C12orf42: variants seen among roughly 807,000 people sequenced by gnomAD.
The protein encoded by C12orf42 is chromosome 12 open reading frame 42.
Under a neutral mutation model 21.6 loss-of-function variants are expected in C12orf42, and 25 were observed. The observed-to-expected ratio is 1.16, with a 90% CI of 0.84 to 1.62. The LOEUF (loss-of-function observed/expected upper bound fraction) is 1.62, where lower values mean the gene tolerates loss of function less well. Ranked by LOEUF, C12orf42 falls within the 40% of genes most tolerant of loss-of-function variation. The probability of loss-of-function intolerance (pLI) is 0.00; values close to 1 mark genes in which losing one functional copy is unlikely to be tolerated. For missense variants in C12orf42, 483 were observed against 459.3 expected, an observed-to-expected ratio of 1.05 and a Z score of -0.47; for synonymous variants, 174 against 175.0, an observed-to-expected ratio of 0.99 and a Z score of 0.05.
intron 4 of C12orf42, among the ~76,000 whole-genome samples, chr12:103,358,859 GT>G (rs1254706596): frequency 6.6e-6 from 1 of 151,986 alleles, no homozygotes; most frequent in Non-Finnish European, 1.5e-5. Context: ...CAACAACAGT[GT>G]GATCATTTTT....
intron 4 of C12orf42, among the ~76,000 whole-genome samples, chr12:103,367,607 T>A (rs2044727102): frequency 6.6e-6 from 1 of 151,942 alleles, no homozygotes; most frequent in Non-Finnish European, 1.5e-5. Context: ...TAAACACACT[T>A]TTTTGCTTAG....
the C12orf42 span, among the ~76,000 whole-genome samples, chr12:103,079,820 T>C: frequency 2.0e-5 from 3 of 152,320 alleles, no homozygotes; most frequent in African/African-American, 7.2e-5. Context: ...TGGTTCTTAG[T>C]ATTTCTGTCC....
At chr12:103,189,028 A>C in the C12orf42 span, among the ~76,000 whole-genome samples, 1 of 150,156 alleles carries the variant, frequency 6.7e-6, no homozygotes, top group Non-Finnish European at 1.5e-5. Flanking sequence ...GGATTTTCCT[A>C]TTTGTTTAAT....
chr12:103,252,085 G>A (rs1342031548), intron 10 of C12orf42, among the ~76,000 whole-genome samples: 2 of 152,072 alleles, frequency 1.3e-5, no homozygotes, highest in African/African-American at 4.8e-5. Context: ...AGCCCTGCAT[G>A]CATAAGGTAT....
the C12orf42 span, among the ~76,000 whole-genome samples, chr12:103,548,188 A>C: frequency 6.6e-6 from 1 of 152,210 alleles, no homozygotes; most frequent in Admixed American, 6.5e-5. Context: ...GAGGTGCCGC[A>C]GCCCTTTGCT....
At chr12:103,241,138 A>G (rs2033716877) in intron 10 of C12orf42, among the ~76,000 whole-genome samples, 1 of 151,962 alleles carries the variant, frequency 6.6e-6, no homozygotes, top group Non-Finnish European at 1.5e-5. Context: ...AAAACACACA[A>G]TGGCATTGTT....
At chr12:103,541,183 T>A in the C12orf42 span, among the ~76,000 whole-genome samples, 1 of 152,212 alleles carries the variant, frequency 6.6e-6, no homozygotes, top group Non-Finnish European at 1.5e-5. Context: ...GGATTACAGA[T>A]GTGAGCCACT....
At chr12:103,255,378 A>T (rs1345019955) in intron 10 of C12orf42, among the ~76,000 whole-genome samples, 1 of 152,166 alleles carries the variant, frequency 6.6e-6, no homozygotes, top group Non-Finnish European at 1.5e-5. Context: ...CTCAACAAAC[A>T]AAAACAAAAA....
chr12:103,235,672 G>A (rs77536619), downstream of C12orf42, among the ~76,000 whole-genome samples: 35 of 152,200 alleles, frequency 2.3e-4, no homozygotes, highest in East Asian at 1.2e-3. Context: ...ATAACACTTC[G>A]TGTCTGATAG....
chr12:103,089,101 CAAA>C, the C12orf42 span, among the ~76,000 whole-genome samples: 32 of 54,846 alleles, frequency 5.8e-4, no homozygotes, highest in African/African-American at 2.3e-3. Context: ...GACTCCATCT[CAAA>C]AAAAAAAAAA....
At chr12:103,328,559 C>A (rs899047234) in intron 4 of C12orf42, among the ~76,000 whole-genome samples, 1 of 152,216 alleles carries the variant, frequency 6.6e-6, no homozygotes, top group East Asian at 1.9e-4. Flanking sequence ...TCCTCTTTCA[C>A]AATAGGAAGA....
At chr12:103,175,352 A>T in the C12orf42 span, among the ~76,000 whole-genome samples, 1 of 152,230 alleles carries the variant, frequency 6.6e-6, no homozygotes, top group Admixed American at 6.5e-5. Context: ...AACAAAATCC[A>T]TTCACGGACA....
chr12:103,088,001 G>T, the C12orf42 span, among the ~76,000 whole-genome samples: 1 of 152,234 alleles, frequency 6.6e-6, no homozygotes, highest in Admixed American at 6.5e-5. Flanking sequence ...CTTTGCCAGA[G>T]CATTCTGGCC....
the C12orf42 span, among the ~76,000 whole-genome samples, chr12:103,215,069 C>T: frequency 2.6e-5 from 4 of 152,178 alleles, no homozygotes; most frequent in East Asian, 7.7e-4. Flanking sequence ...ATTCTTAATA[C>T]ATATTTATTG....
At chr12:103,180,898 C>T in the C12orf42 span, among the ~76,000 whole-genome samples, 1 of 151,750 alleles carries the variant, frequency 6.6e-6, no homozygotes, top group African/African-American at 2.4e-5. Flanking sequence ...AAAGTGCTGG[C>T]ATTACAGGCA....
chr12:103,433,605 AG>A (rs1950429012), intron 2 of C12orf42, among the ~76,000 whole-genome samples: 1 of 152,228 alleles, frequency 6.6e-6, no homozygotes, highest in Non-Finnish European at 1.5e-5. Context: ...AGCAAAATCC[AG>A]GAAGTGGGAG....
intron 5 of C12orf42, among the ~76,000 whole-genome samples, chr12:103,275,226 A>G (rs1328248428): frequency 6.6e-6 from 1 of 152,158 alleles, no homozygotes; most frequent in African/African-American, 2.4e-5. Context: ...TGCTGAAAAA[A>G]TCTTACAAAA....
the C12orf42 span, among the ~76,000 whole-genome samples, chr12:103,551,602 A>C: frequency 3.3e-5 from 5 of 152,176 alleles, no homozygotes; most frequent in Non-Finnish European, 7.3e-5. Context: ...GGATCACTTG[A>C]GGTCAGGAGT....
At chr12:103,257,044 T>C (rs1332775096) in intron 10 of C12orf42, among the ~76,000 whole-genome samples, 1 of 152,100 alleles carries the variant, frequency 6.6e-6, no homozygotes, top group Non-Finnish European at 1.5e-5. Context: ...TAAAAAAGAA[T>C]TAGATCATGT....
Sources: allele counts gnomAD v4.1 joint callset (sites outside exome capture counted in the v4.1 genomes callset), GRCh38; gene constraint gnomAD v4.1.1; transcripts MANE v1.5; gene names NCBI Gene and HGNC (gene_info 2026-07-23, HGNC 2026-07-21).